Variants in MASP2 observed in about 807,000 individuals in gnomAD.
MASP2 encodes mannan-binding lectin serine protease 2.
Under a neutral mutation model 57.1 loss-of-function variants are expected in MASP2, and 49 were observed. The ratio of observed to expected loss-of-function variants is 0.86; its 90% CI spans 0.68 to 1.09. MASP2 has a LOEUF of 1.09. MASP2 is among the 50% of genes least tolerant of loss of function. MASP2 has a pLI of 0.00. For missense variants in MASP2, 900 were observed against 874.8 expected, an observed-to-expected ratio of 1.03 and a Z score of -0.36; for synonymous variants, 379 against 340.8, an observed-to-expected ratio of 1.11 and a Z score of -1.24.
At chr1:11,032,838 G>C (rs1643864016) in intron 8 of MASP2, among the ~76,000 whole-genome samples, 1 of 151,832 alleles carries the variant, frequency 6.6e-6, no homozygotes, top group African/African-American at 2.4e-5. Flanking sequence ...GAACCCGGGA[G>C]AAGGAGGTTG....
chr1:11,035,967 C>CA (rs1324914229), intron 7 of MASP2, among the ~76,000 whole-genome samples: 3 of 150,432 alleles, frequency 2.0e-5, no homozygotes, highest in Non-Finnish European at 4.4e-5. Context: ...ATCAGACTTG[C>CA]AAGTGTGTCT....
At chr1:11,042,624 A>G (rs1170522903) in intron 6 of MASP2, among the ~76,000 whole-genome samples, 1 of 151,796 alleles carries the variant, frequency 6.6e-6, no homozygotes, top group East Asian at 1.9e-4. Context: ...GGTGGGTAAA[A>G]GGATGAGTGG....
At chr1:11,045,206 C>CCCT in intron 4 of MASP2, 1 of 823,326 alleles carries the variant, frequency 1.2e-6, no homozygotes, top group East Asian at 2.7e-5. Flanking sequence ...TAGTCTCAGT[C>CCCT]GCTAGGGCAG....
At chr1:11,035,755 G>A (rs899877354) in intron 7 of MASP2, among the ~76,000 whole-genome samples, 4 of 152,060 alleles carry the variant, frequency 2.6e-5, no homozygotes, top group Admixed American at 2.6e-4. Context: ...AGTTAGCCGG[G>A]CGTGTTGGCG....
chr1:11,027,605 TC>T lies in MASP2; in HGVS notation c.1340del (p.Gly447GlufsTer15), dbSNP rs1272025252. 1.9e-6 allele frequency: 3 copies of T among 1,614,076 alleles called. No homozygotes were observed. Among genetic ancestry groups the T allele is most frequent in the Non-Finnish European group, 2.5e-6 (3 of 1,179,966 alleles). ...AATCACCAGGTTTTGCCTTTTGCCC[TC>T]CATATATACGCCCTCCTGTTGTGCG... ...SARTTGGRIY[G>X]GQKAKPGDFP... On this transcript the variant is annotated frameshift_variant, in exon 11 of 11. Transcript: ENST00000400897. LOFTEE classifies it low-confidence loss of function (END_TRUNC).
At chr1:11,043,648 A>ACATCTGCATCCCTGGGTTGGGCTGGGC in intron 4 of MASP2, 113 bp from the exon 5 acceptor site, 1 of 737,586 alleles carries the variant, frequency 1.4e-6, no homozygotes. Flanking sequence ...TGTGGCTGGG[A>ACATCTGCATCCCTGGGTTGGGCTGGGC]CATCTGCATC....
At chr1:11,045,916 C>T in intron 3 of MASP2, 1 of 254,504 alleles carries the variant, frequency 3.9e-6, no homozygotes. Context: ...TTGGTCTCTG[C>T]AGGGACTGGG....
chr1:11,047,065 C>T lies in MASP2; in HGVS notation c.60G>A (p.Pro20=), dbSNP rs61432273. 1,778 of 1,549,624 alleles carry T rather than the reference C, an allele frequency of 1.1e-3. 13 individuals carry two copies. The African/African-American group carries it at 0.019, about 17-fold the overall frequency. ...LCGSVATPLG[P]KWPEPVFGRL... ...GCCCGAACACAGGTTCAGGCCACTTCGGGCCCAAGGGGGTGGCCACCGAGC... is the reference window on the plus strand; with the variant it reads ...GCCCGAACACAGGTTCAGGCCACTTTGGGCCCAAGGGGGTGGCCACCGAGC... The change falls in exon 2 of 11, where the codon CCG becomes CCA. Residue 20 remains proline (P), a synonymous_variant. Coordinates refer to ENST00000400897, the MANE Select transcript of MASP2 (RefSeq NM_006610.4).
intron 8 of MASP2, among the ~76,000 whole-genome samples, chr1:11,034,281 T>G (rs1643873047): frequency 6.6e-6 from 1 of 151,276 alleles, no homozygotes; most frequent in South Asian, 2.1e-4. Flanking sequence ...AAGAACATAT[T>G]TTTCTAAAGC....
At chr1:11,031,204 TC>T (rs1643838050) in intron 8 of MASP2, among the ~76,000 whole-genome samples, 1 of 151,264 alleles carries the variant, frequency 6.6e-6, no homozygotes, top group Non-Finnish European at 1.5e-5. Context: ...CACCCAGAGC[TC>T]CTTAGCACCC....
chr1:11,036,533 A>AC (rs1638242583), intron 7 of MASP2, among the ~76,000 whole-genome samples: 1 of 142,034 alleles, frequency 7.0e-6, no homozygotes, highest in South Asian at 2.1e-4. Context: ...AAAAAAAAAA[A>AC]AAAACAAAAA....
rs566630945 is a variant in MASP2, at chr1:11,046,953, G to A, written c.172C>T (p.Arg58Cys). 3.9e-5 allele frequency: 61 copies of A among 1,567,486 alleles called. 1 individual carries two copies. In the Middle Eastern group the frequency reaches 6.6e-4, roughly 17 times the overall value. ...TLTAPPGYRLRLYFTHFDLEL... is the reference protein window; with the variant it reads ...TLTAPPGYRLCLYFTHFDLEL... ...AGGTCGAAGTGGGTGAAGTAGAGGC[G>A]CAGGCGGTAGCCGGGGGGTGCAGTC... Residue 58 changes from arginine to cysteine, a missense_variant, in exon 2 of 11, where the codon CGC becomes TGC. Physicochemically the swap from Arg to Cys is radical, Grantham distance 180. Transcript: ENST00000400897.
chr1:11,046,697 C>T lies in MASP2; in HGVS notation c.271G>A (p.Gly91Arg), dbSNP rs146607345. The T allele has an allele frequency of 5.1e-5, 83 of 1,613,370 alleles. 1 individual carries two copies. Among genetic ancestry groups the T allele is most frequent in the Middle Eastern group, 5.0e-4 (3 of 6,050 alleles). Reference protein sequence around the residue: ...SGAKVLATLCGQESTDTERAP... With the variant: ...SGAKVLATLCRQESTDTERAP... ...CGCTCCGTGTCTGTGCTCTCCTGCCCGCACAGCGTGGCCAGCACCTTGGCC... is the reference window on the plus strand; with the variant it reads ...CGCTCCGTGTCTGTGCTCTCCTGCCTGCACAGCGTGGCCAGCACCTTGGCC... The change falls in exon 3 of 11, where the codon GGG (glycine) becomes AGG (arginine). Residue 91 changes from glycine to arginine, a missense_variant. Gly to Arg is a moderately radical substitution (Grantham distance 125). Transcript: ENST00000400897.
At chr1:11,037,457 AAAGTT>A (rs1638276010) in intron 7 of MASP2, among the ~76,000 whole-genome samples, 1 of 151,744 alleles carries the variant, frequency 6.6e-6, no homozygotes, top group Non-Finnish European at 1.5e-5. Flanking sequence ...ATGTAAATTT[AAAGTT>A]AAGTATAAAG....
At chr1:11,032,279 C>T (rs1257624929) in intron 8 of MASP2, among the ~76,000 whole-genome samples, 1 of 152,136 alleles carries the variant, frequency 6.6e-6, no homozygotes, top group African/African-American at 2.4e-5. Flanking sequence ...CTTGCTCACA[C>T]ATGTGAATTG....
chr1:11,042,042 A>C (rs1363864376), intron 6 of MASP2, among the ~76,000 whole-genome samples: 43 of 149,074 alleles, frequency 2.9e-4, no homozygotes, highest in Non-Finnish European at 7.4e-5. Context: ...GGATAGATGG[A>C]TGGCTGGCAG....
intron 8 of MASP2, among the ~76,000 whole-genome samples, chr1:11,031,951 A>G (rs1275205310): frequency 6.6e-6 from 1 of 152,154 alleles, no homozygotes; most frequent in Non-Finnish European, 1.5e-5. Flanking sequence ...CTTTTAATAA[A>G]TTGAAGTTTT....
In MASP2 at chr1:11,027,005, CCACCTCTCTGTTTCA is replaced by C. The variant is rs763934744; in HGVS notation, c.1926_1940del (p.Ser642_Trp647delinsArg). On this transcript the variant is annotated inframe_deletion, in exon 11 of 11. Transcript: ENST00000400897. Reference sequence around the variant, plus strand: ...CCCAGGACACTATTCCTCCCACAAACCACCTCTCTGTTTCACTATCTAGAAACACCAGTGCCCCTC... The same window carrying C: ...CCCAGGACACTATTCCTCCCACAAACCTATCTAGAAACACCAGTGCCCCTC... 7 of 1,598,946 alleles carry C rather than the reference CCACCTCTCTGTTTCA, an allele frequency of 4.4e-6. No homozygotes were observed. In the African/African-American group the frequency reaches 9.4e-5, roughly 21 times the overall value.
chr1:11,028,697 GTTTTTTTTCTTTTTTTTTT>G (rs1643782447), intron 10 of MASP2, among the ~76,000 whole-genome samples: 1 of 36,178 alleles, frequency 2.8e-5, no homozygotes, highest in Non-Finnish European at 5.3e-5. Context: ...ATCTTTCTGG[GTTTTTTTTCTTTTTTTTTT>G]TTTTTTTTTT....
Sources: gnomAD v4.1 joint callset for allele counts (sites outside exome capture counted in the v4.1 genomes callset) on GRCh38, gnomAD v4.1.1 for gene constraint, MANE v1.5 for transcripts, NCBI Gene and HGNC (gene_info 2026-07-23, HGNC 2026-07-21) for gene names.